VTI1A: variants seen among roughly 807,000 people sequenced by gnomAD.
The protein encoded by VTI1A is vesicle transport through interaction with t-SNAREs homolog 1A.
Under a neutral mutation model 34.9 loss-of-function variants are expected in VTI1A, and 22 were observed. That is an observed-to-expected ratio of 0.63 (90% confidence interval 0.45 to 0.90). The LOEUF (loss-of-function observed/expected upper bound fraction) is 0.90, where lower values mean the gene tolerates loss of function less well. Among genes scored for constraint, VTI1A ranks in the 40% least tolerant of loss-of-function variants. The probability of loss-of-function intolerance (pLI) is 0.00; values close to 1 mark genes in which losing one functional copy is unlikely to be tolerated. For missense variants in VTI1A, 268 were observed against 275.6 expected, an observed-to-expected ratio of 0.97 and a Z score of 0.20; for synonymous variants, 87 against 97.3, an observed-to-expected ratio of 0.89 and a Z score of 0.62.
rs142853498 is a variant in VTI1A at position 112,732,034 on chromosome 10, T to C, written c.560+63036T>C. 8.4e-3 allele frequency among the ~76,000 whole-genome samples: 1,276 copies of C among 152,246 alleles called. 15 individuals carry two copies. The highest frequency in any genetic ancestry group is 0.011 in the Non-Finnish European group (743 of 68,020). On this transcript the variant is annotated intron_variant, in intron 7 of 7. Coordinates refer to ENST00000393077, the MANE Select transcript of VTI1A (RefSeq NM_145206.4). ...ATGCATTACCCTTTACCGAATCACC[T>C]TTTTTTCAAGCTAATTAAAAGAATC...
intron 7 of VTI1A, among the ~76,000 whole-genome samples, chr10:112,722,765 G>T (rs1849858974): frequency 6.6e-6 from 1 of 152,056 alleles, no homozygotes; most frequent in Admixed American, 6.5e-5. Context: ...CCCAGATACT[G>T]GTGGGTTCCC....
At chr10:112,471,208 A>C (rs1848062568) in intron 3 of VTI1A, among the ~76,000 whole-genome samples, 1 of 152,106 alleles carries the variant, frequency 6.6e-6, no homozygotes, top group Admixed American at 6.5e-5. Flanking sequence ...AGCTGACTAA[A>C]TACCTGTTTA....
At chr10:112,546,168 TACAC>T (rs1209859552) in intron 5 of VTI1A, among the ~76,000 whole-genome samples, 11 of 150,116 alleles carry the variant, frequency 7.3e-5, no homozygotes, top group Admixed American at 7.3e-4. Flanking sequence ...TGTATATATA[TACAC>T]ACACACACAT....
At chr10:112,604,103 A>G (rs1217787695) in intron 5 of VTI1A, among the ~76,000 whole-genome samples, 1 of 152,116 alleles carries the variant, frequency 6.6e-6, no homozygotes, top group Non-Finnish European at 1.5e-5. Flanking sequence ...GACCCAGTAG[A>G]CAGTGGAGAC....
rs148258747 is a variant in VTI1A at position 112,806,664 on chromosome 10, C to A, written c.561-8626C>A. Among the ~76,000 whole-genome samples, 813 of 151,812 alleles carry A rather than the reference C, an allele frequency of 5.4e-3. 19 individuals are homozygous for A. Among genetic ancestry groups the A allele is most frequent in the Admixed American group, 0.041 (626 of 15,238 alleles). ...GCAGCAGTGCAATCGTGGCTCATTGCGATTTCACCCTCAGGCTTAAGCAAT... is the reference window on the plus strand; with the variant it reads ...GCAGCAGTGCAATCGTGGCTCATTGAGATTTCACCCTCAGGCTTAAGCAAT... On this transcript the variant is annotated intron_variant, in intron 7 of 7. Coordinates refer to ENST00000393077, the MANE Select transcript of VTI1A (RefSeq NM_145206.4).
intron 1 of VTI1A, among the ~76,000 whole-genome samples, chr10:112,456,440 A>G (rs1035773277): frequency 3.3e-5 from 5 of 150,832 alleles, no homozygotes; most frequent in African/African-American, 7.3e-5. Flanking sequence ...AAAAAAAAAA[A>G]AGAGGAAACT....
chr10:112,819,466 G>A (rs535281481), downstream of VTI1A, among the ~76,000 whole-genome samples: 1 of 152,212 alleles, frequency 6.6e-6, no homozygotes, highest in East Asian at 1.9e-4. Flanking sequence ...CAGGGATGTG[G>A]GCAGGCGGGA....
chr10:112,830,844 TATATA>T, the VTI1A span, among the ~76,000 whole-genome samples: 40 of 56,806 alleles, frequency 7.0e-4, 1 homozygote, highest in Non-Finnish European at 9.0e-4. Context: ...TATATATATA[TATATA>T]TTTTTTTTTT....
At chr10:112,826,974 T>G in the VTI1A span, 1 of 152,212 alleles carries the variant, frequency 6.6e-6, no homozygotes, top group Non-Finnish European at 1.5e-5. Context: ...ATATAAGATT[T>G]CATACTCGAT....
intron 3 of VTI1A, among the ~76,000 whole-genome samples, chr10:112,471,403 A>G (rs1328112940): frequency 2.6e-5 from 2 of 78,058 alleles, no homozygotes; most frequent in South Asian, 3.4e-4. Context: ...CTTACAGCCT[A>G]TAATTGTTCA....
intron 5 of VTI1A, among the ~76,000 whole-genome samples, chr10:112,589,633 C>G (rs1309362417): frequency 1.3e-5 from 2 of 152,192 alleles, no homozygotes; most frequent in African/African-American, 2.4e-5. Context: ...TGAGCATGCA[C>G]TGTGTGTGAC....
chr10:112,834,575 C>T, the VTI1A span, among the ~76,000 whole-genome samples: 2 of 152,224 alleles, frequency 1.3e-5, no homozygotes, highest in African/African-American at 2.4e-5. Flanking sequence ...ATGCAAGCCA[C>T]CAGGCAATAA....
chr10:112,712,474 T>TCTCACACACACACACA (rs149858856), intron 7 of VTI1A, among the ~76,000 whole-genome samples: 6 of 143,486 alleles, frequency 4.2e-5, no homozygotes, highest in African/African-American at 1.6e-4. Context: ...TCAACTATTA[T>TCTCACACACACACACA]CACACACACA....
intron 1 of VTI1A, chr10:112,448,562 TTAGAG>T (rs1380081400): frequency 1.3e-5 from 2 of 152,048 alleles, no homozygotes; most frequent in African/African-American, 2.4e-5. Context: ...TCTCTACAGA[TTAGAG>T]TAGTTAGTTA....
At chr10:112,738,492 T>C (rs1013031030) in intron 7 of VTI1A, among the ~76,000 whole-genome samples, 1 of 152,234 alleles carries the variant, frequency 6.6e-6, no homozygotes, top group African/African-American at 2.4e-5. Context: ...AGCACAGTTC[T>C]TGGTCCTCAG....
At chr10:112,615,043 G>A (rs1463298451) in intron 5 of VTI1A, among the ~76,000 whole-genome samples, 1 of 151,976 alleles carries the variant, frequency 6.6e-6, no homozygotes, top group African/African-American at 2.4e-5. Context: ...TGTGGCAAAT[G>A]GATCATTGTT....
intron 5 of VTI1A, among the ~76,000 whole-genome samples, chr10:112,634,959 T>C (rs1255199095): frequency 6.6e-6 from 1 of 152,162 alleles, no homozygotes; most frequent in Non-Finnish European, 1.5e-5. Context: ...TGGCCAACAT[T>C]TTTTCTGTGT....
At chr10:112,755,268 G>C (rs12414740) in intron 7 of VTI1A, among the ~76,000 whole-genome samples, 1 of 97,450 alleles carries the variant, frequency 1.0e-5, no homozygotes, top group Non-Finnish European at 2.5e-5. Context: ...AAAAAAGAAA[G>C]AAAGAAAGAA....
chr10:112,721,431 C>T (rs1181775905), intron 7 of VTI1A, among the ~76,000 whole-genome samples: 1 of 152,214 alleles, frequency 6.6e-6, no homozygotes, highest in Non-Finnish European at 1.5e-5. Context: ...AACAGAACAA[C>T]TTACATTCAT....
Sources: allele counts gnomAD v4.1 joint callset (sites outside exome capture counted in the v4.1 genomes callset), GRCh38; gene constraint gnomAD v4.1.1; transcripts MANE v1.5; gene names NCBI Gene and HGNC (gene_info 2026-07-23, HGNC 2026-07-21).